The following PSMA6 variants were observed in gnomAD, a reference collection of about 807,000 sequenced individuals.
The protein encoded by PSMA6 is proteasome 20S subunit alpha 6.
For synonymous variants in PSMA6, 88 were observed against 97.7 expected (o/e 0.90, Z 0.59); for missense variants, 170 against 294.8 (o/e 0.58, Z 3.10).
upstream of PSMA6, among the ~76,000 whole-genome samples, chr14:35,290,153 G>A (rs758173197): frequency 9.2e-5 from 14 of 152,144 alleles, no homozygotes; most frequent in Non-Finnish European, 1.9e-4. Flanking sequence ...TTGGCAATTA[G>A]AGAAGATCCA....
chr14:35,294,866 A>G (rs1418326380), intron 1 of PSMA6, among the ~76,000 whole-genome samples: 1 of 152,182 alleles, frequency 6.6e-6, no homozygotes, highest in African/African-American at 2.4e-5. Flanking sequence ...AAAGCATGGA[A>G]GGATTATAGG....
rs556461939 is a variant in PSMA6 at position 35,298,626 on chromosome 14, A to G, written c.76+6074A>G. ...TTAGCCCAAACCAAAGTCTTTGATC[A>G]TGTAGTGTTTAAGTACTGTTGCCAA... On this transcript the variant is annotated intron_variant, in intron 1 of 6. Coordinates refer to ENST00000261479, the MANE Select transcript of PSMA6 (RefSeq NM_002791.3). Among the ~76,000 whole-genome samples, 219 of 152,270 alleles carry G rather than the reference A, an allele frequency of 1.4e-3. 3 individuals are homozygous for G. The highest frequency in any genetic ancestry group is 0.011 in the South Asian group (51 of 4,824).
intron 1 of PSMA6, among the ~76,000 whole-genome samples, chr14:35,295,704 G>C (rs761906715): frequency 6.6e-6 from 1 of 152,052 alleles, no homozygotes; most frequent in Non-Finnish European, 1.5e-5. Flanking sequence ...CACCCACCTC[G>C]GCCTCCCAAA....
intron 1 of PSMA6, 131 bp from the exon 2 acceptor site, chr14:35,307,863 C>A: frequency 1.4e-6 from 1 of 715,292 alleles, no homozygotes; most frequent in Non-Finnish European, 2.2e-6. Flanking sequence ...TTTGACTTTG[C>A]ACATCCTGGA....
chr14:35,281,856 T>C (rs1356653972), intron 1 of PSMA6, among the ~76,000 whole-genome samples: 1 of 152,234 alleles, frequency 6.6e-6, no homozygotes, highest in Non-Finnish European at 1.5e-5. Flanking sequence ...CTCAAGGTGC[T>C]AGGATTACAG....
At chr14:35,290,954 A>ACCTCATT (rs1310380545), upstream of PSMA6, among the ~76,000 whole-genome samples, 2 of 151,204 alleles carry the variant, frequency 1.3e-5, no homozygotes, top group Admixed American at 1.3e-4. Flanking sequence ...AGGGTGCTTA[A>ACCTCATT]CCTCATTCCC....
At chr14:35,305,068 G>A (rs1308058430) in intron 1 of PSMA6, among the ~76,000 whole-genome samples, 2 of 152,002 alleles carry the variant, frequency 1.3e-5, no homozygotes, top group Non-Finnish European at 2.9e-5. Flanking sequence ...GCAAGATGCT[G>A]TCTCTTGCTC....
upstream of PSMA6, chr14:35,292,209 T>C: frequency 1.1e-6 from 1 of 934,214 alleles, no homozygotes; most frequent in Non-Finnish European, 1.4e-6. Flanking sequence ...ACGACCCAAG[T>C]TTCACGTCTA....
At chr14:35,296,862 A>T (rs974411139) in intron 1 of PSMA6, among the ~76,000 whole-genome samples, 1 of 152,220 alleles carries the variant, frequency 6.6e-6, no homozygotes, top group Non-Finnish European at 1.5e-5. Flanking sequence ...ATACATGTGC[A>T]TATCTACATA....
chr14:35,282,655 A>C (rs1006274745), intron 1 of PSMA6, among the ~76,000 whole-genome samples: 1 of 152,104 alleles, frequency 6.6e-6, no homozygotes, highest in Non-Finnish European at 1.5e-5. Context: ...GCTCAAGACC[A>C]GCCTGGGAAG....
At chr14:35,315,463 C>T (rs1337230887) in intron 6 of PSMA6, 2 of 151,390 alleles carry the variant, frequency 1.3e-5, no homozygotes, top group Non-Finnish European at 2.9e-5. Context: ...GAGGCTGAGG[C>T]AAGAGGATGG....
At chr14:35,280,715 T>TTTG (rs912785149) in intron 1 of PSMA6, among the ~76,000 whole-genome samples, 2 of 151,900 alleles carry the variant, frequency 1.3e-5, no homozygotes, top group Non-Finnish European at 2.9e-5. Context: ...GGTCTCATGA[T>TTTG]TTGTTGTTGT....
At chr14:35,299,953 A>G (rs986232001) in intron 1 of PSMA6, among the ~76,000 whole-genome samples, 23 of 152,218 alleles carry the variant, frequency 1.5e-4, no homozygotes, top group Non-Finnish European at 2.8e-4. Context: ...ATTGGCCCAG[A>G]TGAAGATTAA....
upstream of PSMA6, among the ~76,000 whole-genome samples, chr14:35,291,545 T>A (rs1253773804): frequency 6.8e-6 from 1 of 146,142 alleles, no homozygotes; most frequent in South Asian, 2.5e-4. Flanking sequence ...AAAAATTGCC[T>A]GGGCACTGTG....
At chr14:35,312,387 G>C (rs2051960445) in intron 4 of PSMA6, among the ~76,000 whole-genome samples, 1 of 151,384 alleles carries the variant, frequency 6.6e-6, no homozygotes, top group South Asian at 2.1e-4. Context: ...GGCACCTGTA[G>C]TCCCAGCTAC....
chr14:35,295,176 A>G (rs554940916), intron 1 of PSMA6, among the ~76,000 whole-genome samples: 1 of 152,068 alleles, frequency 6.6e-6, no homozygotes, highest in South Asian at 2.1e-4. Context: ...TGTCTCTACT[A>G]AAAATACAAA....
At chr14:35,289,633 C>T (rs897714774), upstream of PSMA6, among the ~76,000 whole-genome samples, 4 of 152,032 alleles carry the variant, frequency 2.6e-5, no homozygotes, top group Non-Finnish European at 5.9e-5. Context: ...GCACCACGCC[C>T]AGCCTAAATT....
rs2051499895 is a variant in PSMA6 at position 35,292,395 on chromosome 14, G to T, written c.-82G>T. ...GGCTGGTACCCCGGAAGCAGTCGCTGCAACTTCCGGGAGGTGCTTGTGTGC... is the reference window on the plus strand; with the variant it reads ...GGCTGGTACCCCGGAAGCAGTCGCTTCAACTTCCGGGAGGTGCTTGTGTGC... On this transcript the variant is annotated 5_prime_UTR_variant, in exon 1 of 7. Coordinates refer to ENST00000261479, the MANE Select transcript of PSMA6 (RefSeq NM_002791.3). 8 of 1,543,774 alleles carry T rather than the reference G, an allele frequency of 5.2e-6. No individual in the cohort carries two copies. The highest frequency in any genetic ancestry group is 7.0e-6 in the Non-Finnish European group (8 of 1,146,424).
intron 1 of PSMA6, among the ~76,000 whole-genome samples, chr14:35,280,086 C>T (rs1191819609): frequency 6.6e-6 from 1 of 150,760 alleles, no homozygotes; most frequent in Non-Finnish European, 1.5e-5. Flanking sequence ...GATCGCGCCA[C>T]TACACTCCAG....
Sources: gnomAD v4.1 joint callset for allele counts (sites outside exome capture counted in the v4.1 genomes callset) on GRCh38, gnomAD v4.1.1 for gene constraint, MANE v1.5 for transcripts, NCBI Gene and HGNC (gene_info 2026-07-23, HGNC 2026-07-21) for gene names.